Variants in XKR4 observed in about 807,000 individuals in gnomAD.
The protein encoded by XKR4 is XK related 4.
A neutral mutation model predicts 53.9 loss-of-function variants in XKR4; 12 were observed. The ratio of observed to expected loss-of-function variants is 0.22; its 90% CI spans 0.14 to 0.36. The LOEUF is 0.36. Among genes scored for constraint, XKR4 ranks in the 10% least tolerant of loss-of-function variants. The pLI is 1.00. For synonymous variants in XKR4, 354 were observed against 362.4 expected (o/e 0.98, Z 0.26); for missense variants, 799 against 859.5 (o/e 0.93, Z 0.88).
Position 55,272,879 on chromosome 8 carries a change from C to T in XKR4, c.807-84799C>T, listed in dbSNP as rs1187049225. 6.7e-6 allele frequency: 3 copies of T among 450,826 alleles called. No homozygotes were observed. In the Admixed American group the frequency reaches 7.3e-5, roughly 11 times the overall value. 27.9% of individuals were successfully genotyped at this position (450,826 alleles called of 1,614,324 possible). ...ATTAGCTGTAGAATGACTTCCTTTC[C>T]TCTAATAAATTATTCATGTCTGGAG... On this transcript the variant is annotated intron_variant, in intron 1 of 2. Coordinates refer to ENST00000327381, the MANE Select transcript of XKR4 (RefSeq NM_052898.2).
Position 55,107,271 on chromosome 8 carries a change from G to T in XKR4, c.806+3977G>T, listed in dbSNP as rs576264801. 2.6e-4 allele frequency among the ~76,000 whole-genome samples: 40 copies of T among 152,160 alleles called. No homozygotes were observed. In the South Asian group the frequency reaches 7.0e-3, roughly 27 times the overall value. On this transcript the variant is annotated intron_variant, in intron 1 of 2. Coordinates refer to ENST00000327381, the MANE Select transcript of XKR4 (RefSeq NM_052898.2). Reference sequence around the variant, plus strand: ...GTAAGCGGCTTAACCTCTTAATAGGGTCACCCAACTATTATGTAGTGTAGT... The same window carrying T: ...GTAAGCGGCTTAACCTCTTAATAGGTTCACCCAACTATTATGTAGTGTAGT...
At chr8:55,145,983 AT>A (rs1353606736) in intron 1 of XKR4, among the ~76,000 whole-genome samples, 2 of 152,244 alleles carry the variant, frequency 1.3e-5, no homozygotes, top group Non-Finnish European at 1.5e-5. Context: ...TGTAGACATT[AT>A]CTTTGGCTTA....
At chr8:55,114,224 C>A (rs1816274145) in intron 1 of XKR4, among the ~76,000 whole-genome samples, 1 of 152,140 alleles carries the variant, frequency 6.6e-6, no homozygotes, top group African/African-American at 2.4e-5. Flanking sequence ...TTCTCTGCAA[C>A]CTCACAGGCG....
chr8:55,453,836 T>C (rs2129396746), intron 2 of XKR4: 3 of 502,100 alleles, frequency 6.0e-6, no homozygotes, highest in Admixed American at 4.9e-5. Flanking sequence ...CTGTGCCACA[T>C]CGTGGGCCAC....
intron 1 of XKR4, among the ~76,000 whole-genome samples, chr8:55,171,748 TC>T (rs1220850127): frequency 6.6e-6 from 1 of 152,102 alleles, no homozygotes; most frequent in Non-Finnish European, 1.5e-5. Context: ...TTCCTCCCCT[TC>T]GCCTGACAGC....
chr8:55,108,404 A>G (rs563214102), intron 1 of XKR4, among the ~76,000 whole-genome samples: 15 of 152,246 alleles, frequency 9.9e-5, no homozygotes, highest in Middle Eastern at 3.4e-3. Context: ...ATTCAAAGGA[A>G]TGGCAGAAAG....
At chr8:55,320,072 C>A (rs1318279081) in intron 1 of XKR4, among the ~76,000 whole-genome samples, 1 of 152,236 alleles carries the variant, frequency 6.6e-6, no homozygotes, top group South Asian at 2.1e-4. Flanking sequence ...CCATCTCTTG[C>A]AGAACACAAG....
At chr8:55,331,136 C>A (rs1300969235) in intron 1 of XKR4, among the ~76,000 whole-genome samples, 1 of 152,114 alleles carries the variant, frequency 6.6e-6, no homozygotes, top group Non-Finnish European at 1.5e-5. Context: ...TTGCCTCCAG[C>A]CCCTGGTGTG....
At chr8:55,474,209 C>T (rs949509827) in intron 2 of XKR4, among the ~76,000 whole-genome samples, 1 of 152,118 alleles carries the variant, frequency 6.6e-6, no homozygotes, top group Non-Finnish European at 1.5e-5. Context: ...CATTCCTAGC[C>T]TAAAACAGAC....
chr8:55,346,350 T>G (rs924788570), intron 1 of XKR4, among the ~76,000 whole-genome samples: 1 of 152,184 alleles, frequency 6.6e-6, no homozygotes, highest in Non-Finnish European at 1.5e-5. Flanking sequence ...CCTCCCAAAT[T>G]GCTGGGATTA....
intron 1 of XKR4, among the ~76,000 whole-genome samples, chr8:55,141,510 C>T (rs893169598): frequency 6.6e-6 from 1 of 152,050 alleles, no homozygotes; most frequent in African/African-American, 2.4e-5. Flanking sequence ...AAAACCGATG[C>T]AATCAAAGGA....
intron 2 of XKR4, among the ~76,000 whole-genome samples, chr8:55,387,527 T>G (rs1366763775): frequency 6.6e-6 from 1 of 152,216 alleles, no homozygotes; most frequent in Non-Finnish European, 1.5e-5. Flanking sequence ...GTCAGCAACC[T>G]GCTTCTCCCA....
At chr8:55,203,210 G>C (rs1817599217) in intron 1 of XKR4, among the ~76,000 whole-genome samples, 1 of 152,222 alleles carries the variant, frequency 6.6e-6, no homozygotes, top group Non-Finnish European at 1.5e-5. Flanking sequence ...CACGGCGCCT[G>C]TAACTTGGCT....
intron 2 of XKR4, among the ~76,000 whole-genome samples, chr8:55,376,633 G>A (rs763463920): frequency 6.6e-6 from 1 of 151,818 alleles, no homozygotes; most frequent in East Asian, 1.9e-4. Flanking sequence ...TTAGACTTTT[G>A]TCAGATGGAT....
intron 1 of XKR4, among the ~76,000 whole-genome samples, chr8:55,228,050 A>G (rs1181775262): frequency 6.6e-6 from 1 of 152,050 alleles, no homozygotes; most frequent in African/African-American, 2.4e-5. Context: ...GGGATTACGG[A>G]CACGCACCAC....
chr8:55,411,494 C>T (rs1312683878), intron 2 of XKR4, among the ~76,000 whole-genome samples: 1 of 152,180 alleles, frequency 6.6e-6, no homozygotes, highest in African/African-American at 2.4e-5. Flanking sequence ...TGGTCAAATC[C>T]AAGAACTCGA....
chr8:55,530,143 A>AGAAGGAAGGAAG lies in XKR4; in HGVS notation c.*5971_*5982dup, dbSNP rs60739329. On this transcript the variant is annotated 3_prime_UTR_variant, in exon 3 of 3. Transcript: ENST00000327381. ...AGGGAGGGAGAGAGGGAGGGAAGGAAGAAGGAAGGAAGGAAGGAAGGAAGG... is the reference window on the plus strand; with the variant it reads ...AGGGAGGGAGAGAGGGAGGGAAGGAAGAAGGAAGGAAGGAAGGAAGGAAGGAAGGAAGGAAGG... 20 of 132,970 alleles carry AGAAGGAAGGAAG rather than the reference A, an allele frequency of 1.5e-4. No individual in the cohort carries two copies. The highest frequency in any genetic ancestry group is 3.2e-4 in the Admixed American group (4 of 12,680). 8.2% of individuals were successfully genotyped at this position (132,970 alleles called of 1,614,324 possible).
chr8:55,140,054 C>A, intron 1 of XKR4: 1 of 323,042 alleles, frequency 3.1e-6, no homozygotes, highest in South Asian at 2.6e-5. Context: ...GAAAGATTCT[C>A]ATCCTATTTT....
At chr8:55,387,768 G>A (rs1804344876) in intron 2 of XKR4, among the ~76,000 whole-genome samples, 2 of 152,146 alleles carry the variant, frequency 1.3e-5, no homozygotes, top group Non-Finnish European at 2.9e-5. Flanking sequence ...ACCCAAAACT[G>A]GGAGTAATGA....
Sources: allele counts gnomAD v4.1 joint callset (sites outside exome capture counted in the v4.1 genomes callset), GRCh38; gene constraint gnomAD v4.1.1; transcripts MANE v1.5; gene names NCBI Gene and HGNC (gene_info 2026-07-23, HGNC 2026-07-21).